MS4A3: variants seen among roughly 807,000 people sequenced by gnomAD.
MS4A3 encodes membrane-spanning 4-domains subfamily A member 3.
MS4A3 carries 18 observed loss-of-function variants against 24.7 expected under a neutral mutation model. The observed-to-expected ratio is 0.73, with a 90% CI of 0.50 to 1.08. The LOEUF is 1.08. Among genes scored for constraint, MS4A3 ranks in the 50% least tolerant of loss-of-function variants. The pLI, the probability that MS4A3 is intolerant of heterozygous loss-of-function variation, is 0.00. For missense variants in MS4A3, 282 were observed against 251.7 expected (o/e 1.12, Z -0.82); for synonymous variants, 84 against 95.3 (o/e 0.88, Z 0.69).
chr11:60,064,880 C>A lies in MS4A3; in HGVS notation c.351+562C>A, dbSNP rs142017859. Among the ~76,000 whole-genome samples the A allele has an allele frequency of 2.8e-3, 422 of 152,286 alleles. 1 individual carries two copies. The highest frequency in any genetic ancestry group is 9.7e-3 in the African/African-American group (402 of 41,558). On this transcript the variant is annotated intron_variant, in intron 4 of 6. Coordinates refer to ENST00000278865, the MANE Select transcript of MS4A3 (RefSeq NM_006138.5). ...AAGCCATTAGAAGGGAATTTTCAGA[C>A]CTCCACTACTAATGGACTAGATCTG...
chr11:60,064,019 A>T (rs1013621623), intron 3 of MS4A3, among the ~76,000 whole-genome samples: 2 of 151,882 alleles, frequency 1.3e-5, no homozygotes, highest in African/African-American at 2.4e-5. Context: ...GTATGGAAAT[A>T]AAAAAAATTT....
rs930427736 is a variant in MS4A3 at position 60,066,652 on chromosome 11, T to C, written c.352-299T>C. Among the ~76,000 whole-genome samples the C allele has an allele frequency of 2.0e-5, 3 of 152,208 alleles. No homozygotes were observed. The South Asian group carries it at 6.2e-4, about 32-fold the overall frequency. On this transcript the variant is annotated intron_variant, in intron 4 of 6. Transcript: ENST00000278865. ...ATATCATGAACCCCCACTCCTCTCT[T>C]TGGATTCCCAGATTCTCCTTATCCC...
rs759613400 is a variant in MS4A3, at chr11:60,061,172, C to T, written c.12C>T (p.His4=). 13 of 1,586,194 alleles carry T rather than the reference C, an allele frequency of 8.2e-6. No individual in the cohort carries two copies. Among genetic ancestry groups the T allele is most frequent in the East Asian group, 6.8e-5 (3 of 44,294 alleles). Residue 4 remains histidine, a synonymous_variant, in exon 2 of 7, where the codon CAC becomes CAT. Coordinates refer to ENST00000278865, the MANE Select transcript of MS4A3 (RefSeq NM_006138.5). The part of the protein sequence containing the change: MAS[H]EVDNAELGSA... The stretch of plus-strand genomic sequence containing the variant: ...CATAAACAACCCCAATGGCCTCCCA[C>T]GAAGTTGATAATGCAGAGCTGGGGT...
chr11:60,060,663 A>G (rs1855257936), intron 1 of MS4A3, among the ~76,000 whole-genome samples: 1 of 152,132 alleles, frequency 6.6e-6, no homozygotes, highest in Admixed American at 6.6e-5. Context: ...AAACGGGAAT[A>G]ATAATAATAT....
At chr11:60,067,247 C>G (rs1042613289) in intron 5 of MS4A3, 135 bp downstream of exon 5, 18 of 754,764 alleles carry the variant, frequency 2.4e-5, no homozygotes, top group Non-Finnish European at 3.2e-5. Context: ...GAGTCTCGCT[C>G]TGTCGCCCAG....
At chr11:60,057,398 T>C (rs1393453794) in intron 1 of MS4A3, among the ~76,000 whole-genome samples, 1 of 32,838 alleles carries the variant, frequency 3.0e-5, no homozygotes, top group Non-Finnish European at 7.9e-5. Flanking sequence ...TCTGATTTTG[T>C]GTGTGTGTGT....
At chr11:60,065,071 C>T (rs1463019068) in intron 4 of MS4A3, among the ~76,000 whole-genome samples, 2 of 152,148 alleles carry the variant, frequency 1.3e-5, no homozygotes, top group Non-Finnish European at 2.9e-5. Context: ...TCGAGTCTCA[C>T]TCTGTCACCC....
At chr11:60,059,611 C>T (rs533069378) in intron 1 of MS4A3, among the ~76,000 whole-genome samples, 1 of 152,220 alleles carries the variant, frequency 6.6e-6, no homozygotes, top group African/African-American at 2.4e-5. Context: ...TTAGCTCCCA[C>T]TTATAAGTGA....
chr11:60,069,884 T>C (rs1420872380), intron 6 of MS4A3, among the ~76,000 whole-genome samples: 1 of 152,208 alleles, frequency 6.6e-6, no homozygotes, highest in Non-Finnish European at 1.5e-5. Context: ...GTACTTGATA[T>C]ATAAGAGCAT....
intron 5 of MS4A3, 55 bp from the exon 6 acceptor site, chr11:60,069,519 T>A: frequency 8.1e-7 from 1 of 1,233,854 alleles, no homozygotes; most frequent in Non-Finnish European, 1.2e-6. Flanking sequence ...TGACATTTTT[T>A]TTTTTACCTC....
At position 60,062,586 on chromosome 11, in the gene MS4A3, C is replaced by T. The variant is rs373749092; in HGVS notation, c.275C>T (p.Pro92Leu). ...TTCTTCACCTTCTACACAGGCTACC[C>T]GATTTGGGGTGCTGTGTTTGTGAGT... ...FFFFTFYTGY[P>L]IWGAVFFCSS... The change falls in exon 3 of 7, where the codon CCG becomes CTG. Residue 92 changes from proline to leucine, a missense_variant. Coordinates refer to ENST00000278865, the MANE Select transcript of MS4A3 (RefSeq NM_006138.5). 6.1e-5 allele frequency: 99 copies of T among 1,613,904 alleles called. No homozygotes were observed. The highest frequency in any genetic ancestry group is 1.1e-4 in the South Asian group (10 of 91,080).
At chr11:60,068,901 C>T (rs1855424524) in intron 5 of MS4A3, among the ~76,000 whole-genome samples, 1 of 151,956 alleles carries the variant, frequency 6.6e-6, no homozygotes. Flanking sequence ...CCCCGCCTTG[C>T]GTCCAAGTGT....
chr11:60,058,813 A>T (rs1015151789), intron 1 of MS4A3, among the ~76,000 whole-genome samples: 1 of 152,172 alleles, frequency 6.6e-6, no homozygotes, highest in African/African-American at 2.4e-5. Flanking sequence ...AATCCAAAAT[A>T]CACACAAATT....
At chr11:60,061,056 C>A in intron 1 of MS4A3, 90 bp from the exon 2 acceptor site, 3 of 1,159,388 alleles carry the variant, frequency 2.6e-6, no homozygotes, top group Non-Finnish European at 2.4e-6. Flanking sequence ...AATGTATGGA[C>A]AGAATTGAAC....
rs746711081 is a variant in MS4A3, at chr11:60,064,279, C to T, written c.312C>T (p.Thr104=). The change falls in exon 4 of 7, where the codon ACC becomes ACT. Residue 104 remains threonine (T), a synonymous_variant. Transcript: ENST00000278865. ...TCAAACAGTTCTGTAGTTCAGGAAC[C>T]TTGTCTGTTGTAGCAGGGATAAAAC... is the stretch of plus-strand genomic sequence containing the variant. The part of the protein sequence containing the change: ...WGAVFFCSSG[T]LSVVAGIKPT... 35 of 1,603,806 alleles carry T rather than the reference C, an allele frequency of 2.2e-5. No homozygotes were observed. The highest frequency in any genetic ancestry group is 1.7e-4 in the Middle Eastern group (1 of 6,060).
At chr11:60,064,700 G>A (rs974447858) in intron 4 of MS4A3, among the ~76,000 whole-genome samples, 10 of 152,254 alleles carry the variant, frequency 6.6e-5, no homozygotes, top group South Asian at 2.1e-4. Flanking sequence ...AGTGAGTCAC[G>A]TAGCCACTGA....
intron 4 of MS4A3, among the ~76,000 whole-genome samples, chr11:60,064,681 T>C (rs568315859): frequency 4.1e-4 from 62 of 152,350 alleles, no homozygotes; most frequent in Non-Finnish European, 8.5e-4. Flanking sequence ...GTCTCTATGA[T>C]GTGTTCTTAG....
Position 60,061,528 on chromosome 11 carries a change from T to C in MS4A3, c.156+212T>C, listed in dbSNP as rs772269923. The C allele has an allele frequency of 1.2e-5, 8 of 651,530 alleles. No homozygotes were observed. In the African/African-American group the frequency reaches 1.4e-4, roughly 12 times the overall value. The allele number at this position is 651,530 out of a possible 1,614,324, so 40.4% of individuals were successfully genotyped here. On this transcript the variant is annotated intron_variant, in intron 2 of 6. Coordinates refer to ENST00000278865, the MANE Select transcript of MS4A3 (RefSeq NM_006138.5). ...AAGAGGATGAGGATGAAGACCTTTATGATAATCTACTTCCACTTAATGAAT... is the reference window on the plus strand; with the variant it reads ...AAGAGGATGAGGATGAAGACCTTTACGATAATCTACTTCCACTTAATGAAT...
chr11:60,069,297 C>G (rs554833380), intron 5 of MS4A3, among the ~76,000 whole-genome samples: 2 of 152,278 alleles, frequency 1.3e-5, no homozygotes, highest in East Asian at 3.9e-4. Flanking sequence ...GTGATAATGT[C>G]AGAATTTTGT....
Sources: allele counts gnomAD v4.1 joint callset (sites outside exome capture counted in the v4.1 genomes callset), GRCh38; gene constraint gnomAD v4.1.1; transcripts MANE v1.5; gene names NCBI Gene and HGNC (gene_info 2026-07-23, HGNC 2026-07-21).